Variants in SDK1 observed in about 807,000 individuals in gnomAD.
SDK1 encodes the protein protein sidekick-1.
SDK1 carries 157 observed loss-of-function variants against 245.5 expected under a neutral mutation model. The ratio of observed to expected loss-of-function variants is 0.64; its 90% CI spans 0.56 to 0.73. The LOEUF (loss-of-function observed/expected upper bound fraction) is 0.73, where lower values mean the gene tolerates loss of function less well. Ranked by LOEUF, SDK1 falls within the 30% of genes least tolerant of loss-of-function variation. The probability of loss-of-function intolerance (pLI) is 0.00; values close to 1 mark genes in which losing one functional copy is unlikely to be tolerated. For missense variants in SDK1, 3,583 were observed against 3,002.3 expected (o/e 1.19, Z -4.52); for synonymous variants, 1,647 against 1,278.5 (o/e 1.29, Z -6.15).
At chr7:3,629,273 C>G (rs2128647499) in intron 2 of SDK1, among the ~76,000 whole-genome samples, 1 of 150,616 alleles carries the variant, frequency 6.6e-6, no homozygotes, top group East Asian at 2.0e-4. Context: ...TGCACTCCAG[C>G]CTGGGAGACA....
chr7:4,266,681 G>C lies in SDK1; in HGVS notation c.*1297G>C. ...CAGCTCAGAGATGGCCATGCCTCCAGCCCCTCACGTCATCTTTGCAACAGA... is the reference window on the plus strand; with the variant it reads ...CAGCTCAGAGATGGCCATGCCTCCACCCCCTCACGTCATCTTTGCAACAGA... On this transcript the variant is annotated 3_prime_UTR_variant, in exon 45 of 45. Transcript: ENST00000404826. 1.0e-6 allele frequency: 1 copy of C among 985,472 alleles called. No individual in the cohort carries two copies. Among genetic ancestry groups the C allele is most frequent in the Non-Finnish European group, 1.2e-6 (1 of 829,950 alleles). The allele number at this position is 985,472 out of a possible 1,614,324, so 61.0% of individuals were successfully genotyped here.
intron 5 of SDK1, among the ~76,000 whole-genome samples, chr7:3,896,977 G>A (rs1781625859): frequency 6.6e-6 from 1 of 152,244 alleles, no homozygotes; most frequent in South Asian, 2.1e-4. Flanking sequence ...AAGGGTGAAG[G>A]GGAAGAAGGC....
At chr7:3,953,837 C>G (rs1275429261) in intron 7 of SDK1, among the ~76,000 whole-genome samples, 1 of 152,206 alleles carries the variant, frequency 6.6e-6, no homozygotes, top group Non-Finnish European at 1.5e-5. Context: ...GTTAAATCCC[C>G]TTTTATTCAT....
intron 1 of SDK1, among the ~76,000 whole-genome samples, chr7:3,529,314 A>G (rs1202625851): frequency 6.6e-6 from 1 of 152,174 alleles, no homozygotes. Flanking sequence ...ATCCTCTACT[A>G]AAAGGGAAGG....
chr7:4,036,845 G>C (rs906028660), intron 17 of SDK1, among the ~76,000 whole-genome samples: 3 of 152,154 alleles, frequency 2.0e-5, no homozygotes, highest in Admixed American at 6.5e-5. Flanking sequence ...GCAGAACTGT[G>C]AGAAATAAAT....
At chr7:3,358,488 C>T (rs1780868313) in intron 1 of SDK1, among the ~76,000 whole-genome samples, 1 of 151,146 alleles carries the variant, frequency 6.6e-6, no homozygotes, top group African/African-American at 2.4e-5. Flanking sequence ...AGCTACTGCT[C>T]CTCGCAGAGC....
At chr7:4,020,049 C>G (rs1786759697) in intron 17 of SDK1, among the ~76,000 whole-genome samples, 1 of 151,996 alleles carries the variant, frequency 6.6e-6, no homozygotes, top group Admixed American at 6.6e-5. Flanking sequence ...TCTTCCAGAC[C>G]CTGACTCCAA....
chr7:3,759,260 A>G (rs920552270), intron 4 of SDK1, among the ~76,000 whole-genome samples: 1 of 152,218 alleles, frequency 6.6e-6, no homozygotes, highest in African/African-American at 2.4e-5. Context: ...AAATCCCAAA[A>G]GATCAATCTC....
Position 3,752,269 on chromosome 7 carries a change from G to C in SDK1, c.714-69181G>C, listed in dbSNP as rs1177881956. ...TTGGATCAATTATTTGTATCTTAAT[G>C]CATGTTTAGGACTTCAAAGACCCCT... On this transcript the variant is annotated intron_variant, in intron 4 of 44. Transcript: ENST00000404826. Among the ~76,000 whole-genome samples, 4 of 152,098 alleles carry C rather than the reference G, an allele frequency of 2.6e-5. No individual in the cohort carries two copies. In the East Asian group the frequency reaches 7.7e-4, roughly 29 times the overall value.
chr7:4,233,671 A>T (rs1785953712), intron 41 of SDK1, among the ~76,000 whole-genome samples: 1 of 152,160 alleles, frequency 6.6e-6, no homozygotes. Context: ...AGGGACACAC[A>T]TCTGCTGCTG....
intron 4 of SDK1, among the ~76,000 whole-genome samples, chr7:3,699,176 CA>C (rs2115004786): frequency 6.6e-6 from 1 of 152,312 alleles, no homozygotes; most frequent in South Asian, 2.1e-4. Context: ...GTAACATACA[CA>C]ATCTCATAAC....
intron 1 of SDK1, among the ~76,000 whole-genome samples, chr7:3,501,225 G>C (rs1322742585): frequency 6.6e-6 from 1 of 152,058 alleles, no homozygotes; most frequent in East Asian, 1.9e-4. Context: ...TCTTTTCTTA[G>C]TATCTTTAGA....
intron 1 of SDK1, among the ~76,000 whole-genome samples, chr7:3,589,677 C>T (rs1445716389): frequency 6.6e-6 from 1 of 152,086 alleles, no homozygotes; most frequent in African/African-American, 2.4e-5. Context: ...AGGAACTGCC[C>T]TTTATAAAAC....
At chr7:3,626,054 C>T (rs1782109543) in intron 2 of SDK1, among the ~76,000 whole-genome samples, 1 of 149,370 alleles carries the variant, frequency 6.7e-6, no homozygotes, top group African/African-American at 2.5e-5. Flanking sequence ...AGTGATCCTT[C>T]TGCACCAGCC....
chr7:3,825,169 T>A (rs958069120), intron 5 of SDK1, among the ~76,000 whole-genome samples: 1 of 151,930 alleles, frequency 6.6e-6, no homozygotes, highest in African/African-American at 2.4e-5. Context: ...TGCCTGAGAG[T>A]AGATGTGTCT....
At chr7:4,136,705 T>G (rs1176683315) in intron 28 of SDK1, among the ~76,000 whole-genome samples, 1 of 152,212 alleles carries the variant, frequency 6.6e-6, no homozygotes, top group Non-Finnish European at 1.5e-5. Flanking sequence ...ATGCGTGAGC[T>G]CTTCAGACCC....
chr7:3,392,847 G>A (rs1005927664), intron 1 of SDK1, among the ~76,000 whole-genome samples: 7 of 151,592 alleles, frequency 4.6e-5, no homozygotes, highest in African/African-American at 9.7e-5. Context: ...ATCGCATTTC[G>A]TGTATTCATT....
intron 2 of SDK1, among the ~76,000 whole-genome samples, chr7:3,638,027 T>C (rs1782523092): frequency 6.6e-6 from 1 of 152,244 alleles, no homozygotes. Context: ...AGAGAGAGAA[T>C]TATAAACGAT....
In SDK1 at chr7:3,360,293, A is replaced by G. The variant is rs186174506; in HGVS notation, c.298+58409A>G. 2.0e-4 allele frequency among the ~76,000 whole-genome samples: 31 copies of G among 152,326 alleles called. No homozygotes were observed. In the East Asian group the frequency reaches 3.1e-3, roughly 15 times the overall value. ...TAGACAATCTGTTGAATTATATGCA[A>G]TCTGTTGAATGAAGCTCTTAAGTTA... On this transcript the variant is annotated intron_variant, in intron 1 of 44. Transcript: ENST00000404826.
Sources: allele counts gnomAD v4.1 joint callset (sites outside exome capture counted in the v4.1 genomes callset), GRCh38; gene constraint gnomAD v4.1.1; transcripts MANE v1.5; gene names NCBI Gene and HGNC (gene_info 2026-07-23, HGNC 2026-07-21).